SYBU: variants seen among roughly 807,000 people sequenced by gnomAD.
The protein encoded by SYBU is syntabulin.
Under a neutral mutation model 35.9 loss-of-function variants are expected in SYBU, and 21 were observed. The observed-to-expected ratio is 0.58, with a 90% confidence interval of 0.41 to 0.84. The LOEUF is 0.84. Ranked by LOEUF, SYBU falls within the 40% of genes least tolerant of loss-of-function variation. SYBU has a pLI of 0.00. For missense variants in SYBU, 768 were observed against 848.2 expected, an observed-to-expected ratio of 0.91 and a Z score of 1.17; for synonymous variants, 319 against 324.3, an observed-to-expected ratio of 0.98 and a Z score of 0.18.
upstream of SYBU, chr8:109,647,152 C>T (rs2130698430): frequency 6.6e-6 from 1 of 152,308 alleles, no homozygotes; most frequent in East Asian, 1.9e-4. Context: ...CTTTCCTGAT[C>T]TGGCCGCCTT....
chr8:109,599,356 G>A (rs1260084956), intron 3 of SYBU, among the ~76,000 whole-genome samples: 1 of 152,106 alleles, frequency 6.6e-6, no homozygotes, highest in African/African-American at 2.4e-5. Flanking sequence ...AAATAGATAG[G>A]GTTTTTTATG....
chr8:109,618,780 T>C, intron 3 of SYBU, 62 bp downstream of exon 3: 1 of 1,485,688 alleles, frequency 6.7e-7, no homozygotes, highest in South Asian at 1.1e-5. Context: ...TGTTTAGTTT[T>C]AAACATGAAA....
chr8:109,609,202 A>T (rs1404116834), intron 3 of SYBU, among the ~76,000 whole-genome samples: 1 of 152,228 alleles, frequency 6.6e-6, no homozygotes, highest in Non-Finnish European at 1.5e-5. Flanking sequence ...CTCTTATTAC[A>T]GGGCTCTCTC....
chr8:109,630,171 G>C (rs1813448271), intron 2 of SYBU, among the ~76,000 whole-genome samples: 2 of 149,200 alleles, frequency 1.3e-5, no homozygotes, highest in East Asian at 4.0e-4. Flanking sequence ...ACTATCGCAA[G>C]AACAAAAAAC....
chr8:109,624,583 A>T (rs1369392810), intron 2 of SYBU, among the ~76,000 whole-genome samples: 1 of 152,200 alleles, frequency 6.6e-6, no homozygotes, highest in African/African-American at 2.4e-5. Context: ...AAATGCACCC[A>T]TCGAGTCTTC....
intron 2 of SYBU, among the ~76,000 whole-genome samples, chr8:109,634,801 T>G (rs1239739914): frequency 6.6e-6 from 1 of 152,248 alleles, no homozygotes; most frequent in Admixed American, 6.5e-5. Context: ...CTTCTTACTC[T>G]GATCTATAAA....
chr8:109,690,280 A>C (rs953436016), intron 1 of SYBU, among the ~76,000 whole-genome samples: 1 of 152,202 alleles, frequency 6.6e-6, no homozygotes, highest in East Asian at 1.9e-4. Context: ...CTCCAAATGT[A>C]CAAGTGGAGA....
At chr8:109,627,365 CAGAT>C (rs1205879587) in intron 2 of SYBU, among the ~76,000 whole-genome samples, 4 of 152,214 alleles carry the variant, frequency 2.6e-5, no homozygotes, top group African/African-American at 9.6e-5. Context: ...TTAATGGAGA[CAGAT>C]AAAGTGTCAC....
intron 3 of SYBU, among the ~76,000 whole-genome samples, chr8:109,609,870 T>A (rs748011362): frequency 6.6e-6 from 1 of 152,142 alleles, no homozygotes; most frequent in Non-Finnish European, 1.5e-5. Context: ...ACCACCTCCA[T>A]CCTAGGCTAA....
At chr8:109,597,062 G>A (rs143945515) in intron 3 of SYBU, among the ~76,000 whole-genome samples, 16 of 152,258 alleles carry the variant, frequency 1.1e-4, no homozygotes, top group African/African-American at 3.9e-4. Context: ...ATTGTCTCAT[G>A]GTAGCTCTGA....
chr8:109,613,792 T>C (rs1811449730), intron 3 of SYBU, among the ~76,000 whole-genome samples: 1 of 152,236 alleles, frequency 6.6e-6, no homozygotes, highest in African/African-American at 2.4e-5. Flanking sequence ...ATTAAGGGAA[T>C]CAGTGTTGAT....
intron 2 of SYBU, among the ~76,000 whole-genome samples, chr8:109,641,772 T>C (rs1814907033): frequency 1.3e-5 from 2 of 152,212 alleles, no homozygotes; most frequent in Admixed American, 6.5e-5. Flanking sequence ...AAAACAGTCA[T>C]AGAATGGCAG....
upstream of SYBU, among the ~76,000 whole-genome samples, chr8:109,681,233 G>A (rs182158569): frequency 1.3e-4 from 20 of 152,180 alleles, no homozygotes; most frequent in African/African-American, 3.1e-4. Flanking sequence ...TCTCCTTGGC[G>A]TGCAAAATTT....
intron 2 of SYBU, among the ~76,000 whole-genome samples, chr8:109,619,600 C>T (rs1418953365): frequency 1.3e-5 from 2 of 152,176 alleles, no homozygotes; most frequent in Admixed American, 1.3e-4. Flanking sequence ...TCTGTTTCAA[C>T]ACTTTATATA....
At chr8:109,684,582 A>G (rs1363808479), upstream of SYBU, among the ~76,000 whole-genome samples, 1 of 152,228 alleles carries the variant, frequency 6.6e-6, no homozygotes, top group Non-Finnish European at 1.5e-5. Flanking sequence ...TCTTGTTGGA[A>G]ACTGAAAAAT....
chr8:109,603,455 A>G, intron 3 of SYBU: 1 of 978,030 alleles, frequency 1.0e-6, no homozygotes, highest in Non-Finnish European at 1.2e-6. Context: ...CATCTGGCAC[A>G]AAGCACATGT....
At chr8:109,690,611 A>T (rs935387724) in intron 1 of SYBU, among the ~76,000 whole-genome samples, 1 of 152,056 alleles carries the variant, frequency 6.6e-6, no homozygotes, top group African/African-American at 2.4e-5. Context: ...CGATTTTCCG[A>T]TTTTCCCCAG....
upstream of SYBU, among the ~76,000 whole-genome samples, chr8:109,684,497 T>A (rs2130787574): frequency 6.6e-6 from 1 of 152,354 alleles, no homozygotes; most frequent in Non-Finnish European, 1.5e-5. Flanking sequence ...TATAATGGGC[T>A]TATTAAACAT....
At position 109,575,613 on chromosome 8, in the gene SYBU, G is replaced by T; in HGVS notation, c.1285C>A (p.Leu429Ile). ...TTGGCTATGCTATCTCCTACCAGTA[G>T]CTCCCTGTCAGCCCCTTCCCCCGTG... ...QVTGEGADRELLVGDSIANST... is the reference protein window; with the variant it reads ...QVTGEGADREILVGDSIANST... Residue 429 changes from leucine (L) to isoleucine (I), a missense_variant, in exon 7 of 7, where the codon CTA (leucine) becomes ATA (isoleucine). Transcript: ENST00000276646. 1 of 1,614,082 alleles carries T rather than the reference G, an allele frequency of 6.2e-7. No homozygotes were observed. The highest frequency in any genetic ancestry group is 8.5e-7 in the Non-Finnish European group (1 of 1,180,012).
Sources: gnomAD v4.1 joint callset for allele counts (sites outside exome capture counted in the v4.1 genomes callset) on GRCh38, gnomAD v4.1.1 for gene constraint, MANE v1.5 for transcripts, NCBI Gene and HGNC (gene_info 2026-07-23, HGNC 2026-07-21) for gene names.